ATAD1: variants seen among roughly 807,000 people sequenced by gnomAD.
ATAD1 encodes the protein outer mitochondrial transmembrane helix translocase.
Under a neutral mutation model 42.7 loss-of-function variants are expected in ATAD1, and 18 were observed. The observed-to-expected ratio is 0.42, with a 90% CI of 0.29 to 0.63. The LOEUF (loss-of-function observed/expected upper bound fraction) is 0.63, where lower values mean the gene tolerates loss of function less well. Among genes scored for constraint, ATAD1 ranks in the 20% least tolerant of loss-of-function variants. ATAD1 has a pLI of 0.19. For synonymous variants in ATAD1, 132 were observed against 143.1 expected, an observed-to-expected ratio of 0.92 and a Z score of 0.55; for missense variants, 294 against 440.4, an observed-to-expected ratio of 0.67 and a Z score of 2.98.
chr10:87,764,697 C>T (rs943380058), intron 8 of ATAD1, among the ~76,000 whole-genome samples: 1 of 152,148 alleles, frequency 6.6e-6, no homozygotes, highest in Non-Finnish European at 1.5e-5. Flanking sequence ...CCCTGAACCT[C>T]ATCCAGTCTC....
intron 1 of ATAD1, among the ~76,000 whole-genome samples, chr10:87,815,815 T>C (rs1260971945): frequency 6.6e-6 from 1 of 152,242 alleles, no homozygotes; most frequent in East Asian, 1.9e-4. Context: ...AAAACTATTC[T>C]AATCTAGAAT....
intron 8 of ATAD1, among the ~76,000 whole-genome samples, chr10:87,762,584 C>A (rs758713320): frequency 6.6e-6 from 1 of 151,676 alleles, no homozygotes; most frequent in Non-Finnish European, 1.5e-5. Flanking sequence ...CCTGCCTCAG[C>A]CTCCCAAGTA....
intron 6 of ATAD1, among the ~76,000 whole-genome samples, chr10:87,772,784 TAAAG>T (rs1855110942): frequency 1.3e-5 from 2 of 152,162 alleles, no homozygotes; most frequent in Non-Finnish European, 2.9e-5. Flanking sequence ...TAGTTTCACA[TAAAG>T]AAGCAAATTC....
chr10:87,817,524 CA>C, intron 1 of ATAD1, among the ~76,000 whole-genome samples: 2 of 152,286 alleles, frequency 1.3e-5, no homozygotes, highest in Non-Finnish European at 2.9e-5. Context: ...AATTTATTGA[CA>C]TGTATAGCAT....
At chr10:87,825,461 C>T (rs1188138924) in intron 1 of ATAD1, among the ~76,000 whole-genome samples, 1 of 152,034 alleles carries the variant, frequency 6.6e-6, no homozygotes, top group Non-Finnish European at 1.5e-5. Context: ...AGGCGCCCGC[C>T]ACCACACCCG....
At chr10:87,832,207 T>A (rs937615559) in intron 1 of ATAD1, 1 of 148,830 alleles carries the variant, frequency 6.7e-6, no homozygotes, top group South Asian at 2.1e-4. Context: ...CCAGGCAACA[T>A]AACAAGACCC....
intron 2 of ATAD1, among the ~76,000 whole-genome samples, chr10:87,805,069 C>A (rs1174585151): frequency 4.6e-5 from 7 of 152,210 alleles, no homozygotes; most frequent in African/African-American, 7.2e-5. Context: ...TACCTCTCAT[C>A]TCAAAACCGT....
intron 2 of ATAD1, among the ~76,000 whole-genome samples, chr10:87,799,772 T>A (rs1856592124): frequency 6.9e-6 from 1 of 144,356 alleles, no homozygotes; most frequent in Admixed American, 7.0e-5. Context: ...TAAAATATAT[T>A]GTAGAAAAAT....
chr10:87,819,613 A>G (rs1431960690), upstream of ATAD1, among the ~76,000 whole-genome samples: 2 of 152,224 alleles, frequency 1.3e-5, no homozygotes, highest in Non-Finnish European at 2.9e-5. Context: ...CCTCTAAAAT[A>G]GCTATCATTT....
At chr10:87,808,054 T>A (rs1215948208) in intron 2 of ATAD1, among the ~76,000 whole-genome samples, 1 of 152,228 alleles carries the variant, frequency 6.6e-6, no homozygotes, top group African/African-American at 2.4e-5. Flanking sequence ...ATGCTTTTTT[T>A]AAATGACATT....
At chr10:87,788,599 A>G (rs1317752169) in intron 4 of ATAD1, among the ~76,000 whole-genome samples, 1 of 152,178 alleles carries the variant, frequency 6.6e-6, no homozygotes, top group Non-Finnish European at 1.5e-5. Flanking sequence ...TTTGGTATCC[A>G]CTCTGCTAAA....
At chr10:87,774,322 T>G (rs1855189426) in intron 6 of ATAD1, among the ~76,000 whole-genome samples, 3 of 152,198 alleles carry the variant, frequency 2.0e-5, no homozygotes, top group Admixed American at 6.5e-5. Flanking sequence ...CTGAGGTAGG[T>G]AATATTCCTC....
intron 8 of ATAD1, among the ~76,000 whole-genome samples, chr10:87,757,314 G>A (rs1265356968): frequency 6.8e-6 from 1 of 148,080 alleles, no homozygotes. Context: ...CCTTTTAATT[G>A]TAATGCTTGG....
At chr10:87,800,983 G>A (rs570683649) in intron 2 of ATAD1, among the ~76,000 whole-genome samples, 1 of 152,098 alleles carries the variant, frequency 6.6e-6, no homozygotes, top group Admixed American at 6.6e-5. Context: ...ACCAACATAT[G>A]GGCCCCTGTG....
chr10:87,825,191 G>A (rs1857702187), intron 1 of ATAD1, among the ~76,000 whole-genome samples: 1 of 152,042 alleles, frequency 6.6e-6, no homozygotes, highest in South Asian at 2.1e-4. Context: ...TTAGACTGCT[G>A]AGTGGATTTT....
At chr10:87,792,623 T>TAAAAAAAAAATA in intron 3 of ATAD1, 34 bp downstream of exon 3, 1 of 806,070 alleles carries the variant, frequency 1.2e-6, no homozygotes, top group Non-Finnish European at 2.0e-6. Context: ...CCCCCACCTC[T>TAAAAAAAAAATA]AAAAAAATCT....
chr10:87,798,790 G>A (rs1325965638), intron 2 of ATAD1, among the ~76,000 whole-genome samples: 1 of 152,010 alleles, frequency 6.6e-6, no homozygotes, highest in African/African-American at 2.4e-5. Context: ...ATTTTCACCT[G>A]AGTTGTTTCC....
chr10:87,770,909 GGTGA>G (rs1564745941), intron 7 of ATAD1, 39 bp downstream of exon 7: 9 of 1,534,224 alleles, frequency 5.9e-6, no homozygotes, highest in Middle Eastern at 1.7e-4. Flanking sequence ...CCTATAAAAA[GGTGA>G]GTATTTAACT....
At chr10:87,836,722 C>A (rs962123703) in intron 1 of ATAD1, among the ~76,000 whole-genome samples, 4 of 152,046 alleles carry the variant, frequency 2.6e-5, no homozygotes, top group Non-Finnish European at 5.9e-5. Context: ...TGTTTTTTAC[C>A]AAATTTAAGA....
Sources: gnomAD v4.1 joint callset for allele counts (sites outside exome capture counted in the v4.1 genomes callset) on GRCh38, gnomAD v4.1.1 for gene constraint, MANE v1.5 for transcripts, NCBI Gene and HGNC (gene_info 2026-07-23, HGNC 2026-07-21) for gene names.